Variants in BCAR3 observed in about 807,000 individuals in gnomAD.
The protein encoded by BCAR3 is BCAR3 adaptor protein, NSP family member, also known as breast cancer anti-estrogen resistance protein 3.
A neutral mutation model predicts 80.1 loss-of-function variants in BCAR3; 37 were observed. That is an observed-to-expected ratio of 0.46 (90% CI 0.36 to 0.61). The LOEUF (loss-of-function observed/expected upper bound fraction) is 0.61. BCAR3 is among the 20% of genes least tolerant of loss of function. The pLI, the probability that BCAR3 is intolerant of heterozygous loss-of-function variation, is 0.00. For synonymous variants in BCAR3, 389 were observed against 418.9 expected (o/e 0.93, Z 0.87); for missense variants, 978 against 1,068.2 (o/e 0.92, Z 1.18).
intron 2 of BCAR3, among the ~76,000 whole-genome samples, chr1:93,757,058 G>C (rs1651773096): frequency 6.6e-6 from 1 of 152,240 alleles, no homozygotes; most frequent in Non-Finnish European, 1.5e-5. Flanking sequence ...TTCCAGTTCA[G>C]CTCCCACAGT....
intron 2 of BCAR3, among the ~76,000 whole-genome samples, chr1:93,823,599 T>C (rs1371088698): frequency 1.5e-5 from 2 of 135,358 alleles, no homozygotes; most frequent in African/African-American, 5.0e-5. Context: ...CTACTGTTGC[T>C]GTCAGAGAAG....
chr1:93,579,324 C>T (rs544279731), intron 7 of BCAR3, among the ~76,000 whole-genome samples: 38 of 152,318 alleles, frequency 2.5e-4, no homozygotes, highest in African/African-American at 8.4e-4. Flanking sequence ...TGATTGTGCC[C>T]GCTTGGAAGT....
intron 2 of BCAR3, among the ~76,000 whole-genome samples, chr1:93,760,152 A>G (rs1156475511): frequency 6.6e-6 from 1 of 152,168 alleles, no homozygotes; most frequent in Non-Finnish European, 1.5e-5. Flanking sequence ...ATGAATGAAT[A>G]AATGTGGCCC....
intron 2 of BCAR3, among the ~76,000 whole-genome samples, chr1:93,744,529 C>T (rs556643785): frequency 2.6e-5 from 4 of 152,296 alleles, no homozygotes; most frequent in African/African-American, 9.6e-5. Context: ...GAGGCTGGCC[C>T]TTCTGCATAC....
intron 2 of BCAR3, among the ~76,000 whole-genome samples, chr1:93,651,995 T>C (rs1676341376): frequency 6.6e-6 from 1 of 152,152 alleles, no homozygotes; most frequent in Non-Finnish European, 1.5e-5. Context: ...CCAAAAAAAG[T>C]TAGGCAAACT....
chr1:93,736,866 T>C (rs927508195), intron 2 of BCAR3, among the ~76,000 whole-genome samples: 4 of 152,242 alleles, frequency 2.6e-5, no homozygotes, highest in African/African-American at 7.2e-5. Flanking sequence ...CTGGGTTTTG[T>C]TAGGCTTTTG....
intron 3 of BCAR3, among the ~76,000 whole-genome samples, chr1:93,690,747 C>T (rs1344165540): frequency 6.6e-6 from 1 of 152,116 alleles, no homozygotes; most frequent in Non-Finnish European, 1.5e-5. Flanking sequence ...GTGAAAATTA[C>T]AAAAAATATG....
At chr1:93,579,827 C>A (rs761421248) in intron 7 of BCAR3, among the ~76,000 whole-genome samples, 2 of 152,256 alleles carry the variant, frequency 1.3e-5, no homozygotes, top group African/African-American at 2.4e-5. Flanking sequence ...TCCTGGCCCA[C>A]TGACATGGTT....
chr1:93,646,561 C>G (rs2101914692), intron 2 of BCAR3: 1 of 148,038 alleles, frequency 6.8e-6, no homozygotes, highest in Admixed American at 6.8e-5. Flanking sequence ...GAGATGGCGC[C>G]ACTGCACTCC....
intron 2 of BCAR3, among the ~76,000 whole-genome samples, chr1:93,645,748 T>C (rs909661179): frequency 4.7e-5 from 7 of 149,886 alleles, no homozygotes; most frequent in African/African-American, 1.7e-4. Flanking sequence ...ATATACATGA[T>C]ATATAAATAT....
chr1:93,565,884 C>A (rs755912791), intron 11 of BCAR3, among the ~76,000 whole-genome samples: 1 of 152,112 alleles, frequency 6.6e-6, no homozygotes, highest in Non-Finnish European at 1.5e-5. Context: ...AACTGTGAGC[C>A]CTTGAAGAAT....
chr1:93,833,296 G>A (rs530523333), intron 2 of BCAR3, among the ~76,000 whole-genome samples: 2 of 152,240 alleles, frequency 1.3e-5, no homozygotes, highest in East Asian at 3.9e-4. Flanking sequence ...AATATCACAA[G>A]GCAAATGGGA....
intron 2 of BCAR3, among the ~76,000 whole-genome samples, chr1:93,845,246 C>G (rs2100856894): frequency 6.6e-6 from 1 of 152,084 alleles, no homozygotes; most frequent in East Asian, 1.9e-4. Flanking sequence ...GCATACAGAG[C>G]ATCTCTTCTC....
intron 2 of BCAR3, among the ~76,000 whole-genome samples, chr1:93,815,006 A>C (rs1325737633): frequency 2.6e-5 from 4 of 152,160 alleles, no homozygotes; most frequent in Non-Finnish European, 5.9e-5. Flanking sequence ...TCCTACTTTT[A>C]ATAACTATTT....
chr1:93,803,938 G>A (rs1191883937), intron 2 of BCAR3, among the ~76,000 whole-genome samples: 1 of 152,176 alleles, frequency 6.6e-6, no homozygotes, highest in African/African-American at 2.4e-5. Context: ...GGCATCTTAG[G>A]TTCTGGAGAG....
At position 93,584,280 on chromosome 1, in the gene BCAR3, G is replaced by GA. The variant is rs533158631; in HGVS notation, c.930-160dup. On this transcript the variant is annotated intron_variant, in intron 5 of 11. Coordinates refer to ENST00000260502, the MANE Select transcript of BCAR3 (RefSeq NM_003567.4). Reference sequence around the variant, plus strand: ...TAAAAGTAAAGGAATGACCGCTGGAGAAACAAATTACTGATGGGACGATTA... The same window carrying GA: ...TAAAAGTAAAGGAATGACCGCTGGAGAAAACAAATTACTGATGGGACGATTA... 1.0e-3 allele frequency among the ~76,000 whole-genome samples: 153 copies of GA among 152,320 alleles called. 1 individual carries two copies. Among genetic ancestry groups the GA allele is most frequent in the African/African-American group, 3.1e-3 (127 of 41,578 alleles).
intron 3 of BCAR3, among the ~76,000 whole-genome samples, chr1:93,625,024 C>G (rs546609675): frequency 6.6e-6 from 1 of 152,300 alleles, no homozygotes. Context: ...TCCTCACTAA[C>G]ATGGTGAAAC....
At chr1:93,825,664 C>T (rs1190716552) in intron 2 of BCAR3, among the ~76,000 whole-genome samples, 1 of 79,422 alleles carries the variant, frequency 1.3e-5, no homozygotes, top group African/African-American at 3.2e-5. Context: ...AGGGCCAAAC[C>T]TCTGGAGTCA....
upstream of BCAR3, chr1:93,847,896 AGCG>A (rs533240277): frequency 5.7e-3 from 1,358 of 237,550 alleles, no homozygotes; most frequent in South Asian, 0.011. Flanking sequence ...TCCTGAGAAG[AGCG>A]GCGGCGGCGG....
Sources: allele counts gnomAD v4.1 joint callset (sites outside exome capture counted in the v4.1 genomes callset), GRCh38; gene constraint gnomAD v4.1.1; transcripts MANE v1.5; gene names NCBI Gene and HGNC (gene_info 2026-07-23, HGNC 2026-07-21).